LRRC74A: variants seen among roughly 807,000 people sequenced by gnomAD.
The protein encoded by LRRC74A is leucine-rich repeat-containing protein 74A.
LRRC74A carries 44 observed loss-of-function variants against 57.9 expected under a neutral mutation model. That is an observed-to-expected ratio of 0.76 (90% CI 0.60 to 0.98). The LOEUF is 0.98. LRRC74A is among the 50% of genes least tolerant of loss of function. The pLI, the probability that LRRC74A is intolerant of heterozygous loss-of-function variation, is 0.00. For synonymous variants in LRRC74A, 211 were observed against 219.4 expected, an observed-to-expected ratio of 0.96 and a Z score of 0.34; for missense variants, 572 against 574.0, an observed-to-expected ratio of 1.00 and a Z score of 0.04.
At chr14:76,830,470 C>T (rs1429116311) in intron 2 of LRRC74A, among the ~76,000 whole-genome samples, 1 of 152,216 alleles carries the variant, frequency 6.6e-6, no homozygotes, top group Admixed American at 6.5e-5. Flanking sequence ...AGGTGCAGTC[C>T]CCACTTCTGT....
chr14:76,867,554 C>G (rs1899038051), intron 13 of LRRC74A, 116 bp downstream of exon 13: 7 of 607,902 alleles, frequency 1.2e-5, no homozygotes, highest in Non-Finnish European at 2.1e-5. Flanking sequence ...ACCCACCTGC[C>G]TGTTCCCTGC....
At chr14:76,867,155 T>TG (rs1360675673) in intron 12 of LRRC74A, among the ~76,000 whole-genome samples, 1 of 810 alleles carries the variant, frequency 1.2e-3, no homozygotes, top group East Asian at 0.062. Flanking sequence ...GTGTGTGTGT[T>TG]GGGGGTGGGG....
intron 4 of LRRC74A, among the ~76,000 whole-genome samples, chr14:76,837,657 C>A (rs185363425): frequency 6.6e-6 from 1 of 152,162 alleles, no homozygotes; most frequent in South Asian, 2.1e-4. Context: ...AGCTAGCCCA[C>A]GGGTCCCACC....
At chr14:76,868,943 C>A (rs561727546) in intron 13 of LRRC74A, among the ~76,000 whole-genome samples, 2 of 152,330 alleles carry the variant, frequency 1.3e-5, no homozygotes, top group East Asian at 3.8e-4. Context: ...ATGCACACAG[C>A]GGCTGGCACA....
chr14:76,857,519 G>T, intron 10 of LRRC74A, 44 bp downstream of exon 10: 1 of 1,381,326 alleles, frequency 7.2e-7, no homozygotes, highest in Non-Finnish European at 1.0e-6. Context: ...GCACAAGCCA[G>T]TGACCCTGTC....
At chr14:76,865,091 T>G (rs1898674910) in intron 11 of LRRC74A, among the ~76,000 whole-genome samples, 1 of 152,246 alleles carries the variant, frequency 6.6e-6, no homozygotes, top group African/African-American at 2.4e-5. Context: ...TGGGTGATTT[T>G]TAAAATTTTC....
At chr14:76,840,497 C>T (rs192447319) in intron 5 of LRRC74A, among the ~76,000 whole-genome samples, 1,828 of 151,882 alleles carry the variant, frequency 0.012, 38 homozygotes, top group African/African-American at 0.042. Context: ...TTTGAAATGT[C>T]ATCTTTATCA....
At chr14:76,830,131 A>G (rs1429762164) in intron 2 of LRRC74A, among the ~76,000 whole-genome samples, 1 of 152,222 alleles carries the variant, frequency 6.6e-6, no homozygotes, top group Non-Finnish European at 1.5e-5. Context: ...CTGCTGTACA[A>G]GCGTCCCAAA....
At chr14:76,831,064 C>G (rs1895936975) in intron 2 of LRRC74A, 139 bp from the exon 3 acceptor site, 1 of 778,766 alleles carries the variant, frequency 1.3e-6, no homozygotes, top group East Asian at 2.7e-5. Flanking sequence ...CAGACAGGAG[C>G]AGGCTTCTTA....
intron 10 of LRRC74A, among the ~76,000 whole-genome samples, chr14:76,858,517 G>A (rs1898062512): frequency 6.6e-6 from 1 of 152,154 alleles, no homozygotes; most frequent in African/African-American, 2.4e-5. Context: ...ACGGGTCCTA[G>A]GGGTTAGAAC....
At chr14:76,834,191 G>A (rs1041735102) in intron 3 of LRRC74A, among the ~76,000 whole-genome samples, 1 of 152,196 alleles carries the variant, frequency 6.6e-6, no homozygotes, top group African/African-American at 2.4e-5. Flanking sequence ...GTTTTCCGGG[G>A]ATGGGAAGAA....
At chr14:76,847,165 A>G (rs1386353952) in intron 7 of LRRC74A, among the ~76,000 whole-genome samples, 4 of 152,190 alleles carry the variant, frequency 2.6e-5, no homozygotes, top group African/African-American at 7.2e-5. Flanking sequence ...GTTGCATCAA[A>G]TGCTGTTGAG....
Position 76,858,072 on chromosome 14 carries a change from T to A in LRRC74A, c.1053+597T>A, listed in dbSNP as rs184223011. 1.1e-3 allele frequency among the ~76,000 whole-genome samples: 169 copies of A among 152,326 alleles called. 4 individuals are homozygous for A. The South Asian group carries it at 0.022, about 19-fold the overall frequency. ...TTATACTCTGTTTTTCCCAAAGTGATTTTATATATTCCAGCTCATTTTTAT... is the reference window on the plus strand; with the variant it reads ...TTATACTCTGTTTTTCCCAAAGTGAATTTATATATTCCAGCTCATTTTTAT... On this transcript the variant is annotated intron_variant, in intron 10 of 13. Transcript: ENST00000689127.
chr14:76,844,108 C>G (rs1025353278), intron 5 of LRRC74A, among the ~76,000 whole-genome samples: 2 of 152,180 alleles, frequency 1.3e-5, no homozygotes, highest in African/African-American at 4.8e-5. Flanking sequence ...AAGTGATCCT[C>G]CCACCTCAGC....
intron 4 of LRRC74A, among the ~76,000 whole-genome samples, chr14:76,836,778 T>G (rs1233878877): frequency 9.6e-6 from 1 of 104,666 alleles, no homozygotes; most frequent in African/African-American, 3.8e-5. Flanking sequence ...GCGACAAGAA[T>G]GAGACTCCAT....
chr14:76,849,696 G>A (rs567817607), intron 7 of LRRC74A, among the ~76,000 whole-genome samples: 5 of 151,306 alleles, frequency 3.3e-5, no homozygotes, highest in South Asian at 2.1e-4. Flanking sequence ...CCAGCTACTC[G>A]GGAGGGTGAG....
chr14:76,835,528 A>G (rs1273864984), intron 3 of LRRC74A, among the ~76,000 whole-genome samples: 1 of 151,650 alleles, frequency 6.6e-6, no homozygotes, highest in Non-Finnish European at 1.5e-5. Context: ...TTGGATCTAG[A>G]TATTCACCAA....
chr14:76,828,503 T>G, intron 2 of LRRC74A, 84 bp downstream of exon 2: 1 of 1,590,670 alleles, frequency 6.3e-7, no homozygotes, highest in African/African-American at 1.3e-5. Context: ...GTCATCTCAC[T>G]CCTTTCCAGA....
At chr14:76,842,943 G>A (rs1329255418) in intron 5 of LRRC74A, among the ~76,000 whole-genome samples, 1 of 152,148 alleles carries the variant, frequency 6.6e-6, no homozygotes, top group Non-Finnish European at 1.5e-5. Context: ...ACAGCATCTA[G>A]CAGGGATTGA....
Sources: gnomAD v4.1 joint callset for allele counts (sites outside exome capture counted in the v4.1 genomes callset) on GRCh38, gnomAD v4.1.1 for gene constraint, MANE v1.5 for transcripts, NCBI Gene and HGNC (gene_info 2026-07-23, HGNC 2026-07-21) for gene names.